The following POLA1 variants were observed in gnomAD, a reference collection of about 807,000 sequenced individuals.
The protein encoded by POLA1 is DNA polymerase alpha 1, catalytic subunit.
In POLA1, 15 loss-of-function variants were observed where a neutral mutation model predicts 124.0. The ratio of observed to expected loss-of-function variants is 0.12; its 90% CI spans 0.08 to 0.19. POLA1 has a LOEUF of 0.19. POLA1 is among the 10% of genes least tolerant of loss of function. POLA1 has a pLI of 1.00. For missense variants in POLA1, 886 were observed against 1,103.4 expected (o/e 0.80, Z 2.79); for synonymous variants, 408 against 389.4 (o/e 1.05, Z -0.56).
At chrX:24,810,512 G>A (rs1030424697) in intron 27 of POLA1, among the ~76,000 whole-genome samples, 196 bp from the exon 28 acceptor site, 7 of 111,431 alleles carry the variant, frequency 6.3e-5, no homozygotes, top group Admixed American at 1.9e-4. Flanking sequence ...TTTTCTTGAT[G>A]TCAGGTTGCT....
chrX:24,717,320 A>G lies in POLA1; in HGVS notation c.737A>G (p.Glu246Gly), dbSNP rs979012120. The G allele has an allele frequency of 1.7e-6, 2 of 1,208,335 alleles. No homozygotes were observed. Among genetic ancestry groups the G allele is most frequent in the African/African-American group, 3.5e-5 (2 of 56,962 alleles). ...GDDVQVESTE[E>G]EQESGAMEFE... The stretch of plus-strand genomic sequence containing the variant: ...GATGTACAGGTCGAGAGTACAGAAG[A>G]AGAGCAGGAGTCAGGGGCAATGGAG... The change falls in exon 9 of 37, where the codon GAA becomes GGA. Residue 246 changes from glutamate (E) to glycine (G), a missense_variant. By Grantham distance (98) the Glu-to-Gly change is moderately conservative. Transcript: ENST00000379068.
At chrX:24,929,511 G>A (rs1299069211) in intron 35 of POLA1, among the ~76,000 whole-genome samples, 2 of 112,046 alleles carry the variant, frequency 1.8e-5, no homozygotes, top group African/African-American at 6.5e-5. Flanking sequence ...CACCTTGGTA[G>A]GACCCCTCAA....
chrX:24,922,069 C>T (rs1020257744), intron 35 of POLA1, among the ~76,000 whole-genome samples: 4 of 110,337 alleles, frequency 3.6e-5, no homozygotes, highest in Admixed American at 9.7e-5. Flanking sequence ...ATTACTGAAT[C>T]GAAGAAAACC....
At chrX:24,922,884 T>C (rs1225908619) in intron 35 of POLA1, among the ~76,000 whole-genome samples, 1 of 112,346 alleles carries the variant, frequency 8.9e-6, no homozygotes, top group Non-Finnish European at 1.9e-5. Context: ...TTGATTTTTA[T>C]GTTATTGTTT....
At chrX:24,972,078 C>T (rs916560993) in intron 36 of POLA1, among the ~76,000 whole-genome samples, 3 of 110,413 alleles carry the variant, frequency 2.7e-5, no homozygotes, top group Non-Finnish European at 5.7e-5. Flanking sequence ...AAGCGATTCT[C>T]CTGCCTCAGC....
rs2046732932 is a variant in POLA1, at chrX:24,862,684, GT to G, written c.4047+19008del. On this transcript the variant is annotated intron_variant, in intron 34 of 36. Transcript: ENST00000379068. ...GAGCTTTGGGGCAATCCTCTGATGT[GT>G]AATTGCTTTACATCAGTCACAAGAG... Among the ~76,000 whole-genome samples, 56 of 111,955 alleles carry G rather than the reference GT, an allele frequency of 5.0e-4. No individual in the cohort carries two copies. In the South Asian group the frequency reaches 0.021, roughly 41 times the overall value.
rs1237201552 is a variant in POLA1 at position 24,748,858 on chromosome X, T to C, written c.2842-12T>C. 2.5e-6 allele frequency: 3 copies of C among 1,208,144 alleles called. No individual in the cohort carries two copies. The South Asian group carries it at 5.3e-5, about 21-fold the overall frequency. On this transcript the variant is annotated splice_polypyrimidine_tract_variant and intron_variant, in intron 25 of 36. Transcript: ENST00000379068. ...ATGTTGTTGTTTGTCTTTTGTTCTG[T>C]GTGGCCTGCAGTATGACATTCGACA... is the stretch of plus-strand genomic sequence containing the variant.
chrX:24,718,610 G>A (rs373629940), intron 10 of POLA1, among the ~76,000 whole-genome samples: 101 of 112,335 alleles, frequency 9.0e-4, no homozygotes, highest in African/African-American at 3.2e-3. Context: ...GGCATTGGAG[G>A]GTTTTAAGTA....
At chrX:24,703,190 A>G in intron 2 of POLA1, 61 bp from the exon 3 acceptor site, 1 of 846,789 alleles carries the variant, frequency 1.2e-6, no homozygotes, top group Non-Finnish European at 1.7e-6. Flanking sequence ...TTTCATCAGA[A>G]TTATTTAACA....
intron 3 of POLA1, among the ~76,000 whole-genome samples, chrX:24,703,855 T>C (rs1238949990): frequency 8.9e-6 from 1 of 112,003 alleles, no homozygotes; most frequent in Non-Finnish European, 1.9e-5. Flanking sequence ...GAAAGCACCA[T>C]ACAAAGGCTG....
chrX:24,723,333 G>T, intron 11 of POLA1, 66 bp downstream of exon 11: 1 of 680,456 alleles, frequency 1.5e-6, no homozygotes. Context: ...GTGTTTTGCA[G>T]CCAGCTCTCT....
chrX:24,941,572 T>C (rs967751803), intron 36 of POLA1, among the ~76,000 whole-genome samples: 3 of 112,775 alleles, frequency 2.7e-5, no homozygotes, highest in African/African-American at 9.7e-5. Context: ...TATTATTTTA[T>C]GCTGTACTAT....
intron 4 of POLA1, among the ~76,000 whole-genome samples, chrX:24,709,268 C>G (rs1459201410): frequency 1.2e-5 from 1 of 86,167 alleles, no homozygotes; most frequent in East Asian, 3.8e-4. Flanking sequence ...CCCTCCCGGA[C>G]GGCACGGCTG....
chrX:24,832,656 T>G lies in POLA1; in HGVS notation c.3736+6055T>G, dbSNP rs900982615. The stretch of plus-strand genomic sequence containing the variant: ...ACCAAAGTGACATTTATCAAGATCG[T>G]GTAGCTTATAGAAAAATGGATAAGA... On this transcript the variant is annotated intron_variant, in intron 32 of 36. Transcript: ENST00000379068. Among the ~76,000 whole-genome samples the G allele has an allele frequency of 7.1e-5, 8 of 111,903 alleles. No homozygotes were observed. The Admixed American group carries it at 7.6e-4, about 11-fold the overall frequency.
intron 6 of POLA1, 127 bp from the exon 7 acceptor site, chrX:24,716,234 GA>G (rs1432652144): frequency 4.8e-6 from 2 of 418,988 alleles, no homozygotes; most frequent in Non-Finnish European, 8.5e-6. Flanking sequence ...ACATCGATGG[GA>G]GGGGGGAGGG....
chrX:24,980,506 G>T (rs1036956548), intron 36 of POLA1, among the ~76,000 whole-genome samples: 1 of 112,265 alleles, frequency 8.9e-6, no homozygotes, highest in Non-Finnish European at 1.9e-5. Flanking sequence ...GTAATGTGCA[G>T]TAGTTACAAT....
chrX:24,982,684 A>C (rs1300230635), intron 36 of POLA1, among the ~76,000 whole-genome samples: 1 of 110,333 alleles, frequency 9.1e-6, no homozygotes, highest in Non-Finnish European at 1.9e-5. Flanking sequence ...CACTGGGTTC[A>C]CTGTTCTACT....
At chrX:24,886,084 C>T (rs1220231803) in intron 34 of POLA1, among the ~76,000 whole-genome samples, 1 of 111,924 alleles carries the variant, frequency 8.9e-6, no homozygotes, top group Non-Finnish European at 1.9e-5. Flanking sequence ...AGTAGTAGTT[C>T]ATCTCAGACA....
intron 30 of POLA1, among the ~76,000 whole-genome samples, chrX:24,816,693 T>G (rs1036846856): frequency 8.9e-6 from 1 of 112,084 alleles, no homozygotes; most frequent in African/African-American, 3.2e-5. Context: ...TCTACCTTCC[T>G]AGAAACTTGG....
Sources: allele counts gnomAD v4.1 joint callset (sites outside exome capture counted in the v4.1 genomes callset), GRCh38; gene constraint gnomAD v4.1.1; transcripts MANE v1.5; gene names NCBI Gene and HGNC (gene_info 2026-07-23, HGNC 2026-07-21).